ABCA13: variants seen among roughly 807,000 people sequenced by gnomAD.
ABCA13 encodes the protein ATP binding cassette subfamily A member 13, also known as ATP-binding cassette sub-family A member 13.
ABCA13 carries 476 observed loss-of-function variants against 478.7 expected under a neutral mutation model. The observed-to-expected ratio is 0.99, with a 90% CI of 0.92 to 1.07. ABCA13 has a LOEUF of 1.07. Among genes scored for constraint, ABCA13 ranks in the 50% least tolerant of loss-of-function variants. The probability of loss-of-function intolerance (pLI) is 0.00; values close to 1 mark genes in which losing one functional copy is unlikely to be tolerated. For synonymous variants in ABCA13, 2,252 were observed against 2,158.9 expected (o/e 1.04, Z -1.20); for missense variants, 6,060 against 5,910.6 (o/e 1.03, Z -0.83).
intron 58 of ABCA13, among the ~76,000 whole-genome samples, chr7:48,613,861 T>A (rs937794595): frequency 5.4e-5 from 8 of 148,052 alleles, no homozygotes; most frequent in Non-Finnish European, 1.2e-4. Flanking sequence ...TTTTCATTAT[T>A]ATAATAATAT....
At chr7:48,248,029 A>C (rs796091030) in intron 13 of ABCA13, among the ~76,000 whole-genome samples, 1 of 152,184 alleles carries the variant, frequency 6.6e-6, no homozygotes, top group Admixed American at 6.5e-5. Context: ...TATTGGATTA[A>C]GTTTTATTTT....
intron 15 of ABCA13, among the ~76,000 whole-genome samples, chr7:48,267,672 GTTAC>G (rs1390612777): frequency 2.0e-5 from 3 of 152,058 alleles, no homozygotes; most frequent in Non-Finnish European, 4.4e-5. Context: ...AAAAACCACA[GTTAC>G]TTTTGCATCA....
chr7:48,377,955 AC>A, intron 35 of ABCA13, among the ~76,000 whole-genome samples: 1 of 152,330 alleles, frequency 6.6e-6, no homozygotes, highest in Admixed American at 6.5e-5. Context: ...GTGTCCCGGG[AC>A]CCAGAATGAT....
At chr7:48,521,019 G>A (rs767858672) in intron 53 of ABCA13, among the ~76,000 whole-genome samples, 5 of 151,760 alleles carry the variant, frequency 3.3e-5, no homozygotes, top group African/African-American at 9.7e-5. Context: ...GTAGCATGGG[G>A]CATGTGTAGA....
At chr7:48,584,957 T>C (rs992092889) in intron 56 of ABCA13, among the ~76,000 whole-genome samples, 1 of 152,180 alleles carries the variant, frequency 6.6e-6, no homozygotes, top group Non-Finnish European at 1.5e-5. Flanking sequence ...TTCTTCTCTT[T>C]TATGGGGACA....
chr7:48,576,465 T>C (rs1418825383), intron 55 of ABCA13, among the ~76,000 whole-genome samples: 1 of 152,108 alleles, frequency 6.6e-6, no homozygotes, highest in Admixed American at 6.5e-5. Flanking sequence ...GTTAATTATA[T>C]AGAAGTATGC....
intron 26 of ABCA13, among the ~76,000 whole-genome samples, chr7:48,316,263 A>G (rs1234565074): frequency 6.6e-6 from 1 of 152,224 alleles, no homozygotes; most frequent in Non-Finnish European, 1.5e-5. Flanking sequence ...ATGGTTCTGC[A>G]CGGGCTCATT....
intron 55 of ABCA13, among the ~76,000 whole-genome samples, chr7:48,538,356 C>T (rs2131108627): frequency 6.6e-6 from 1 of 152,278 alleles, no homozygotes; most frequent in Admixed American, 6.5e-5. Context: ...CCACCTCGAC[C>T]TCCCAAAGAG....
At chr7:48,347,182 T>C (rs1808252041) in intron 29 of ABCA13, among the ~76,000 whole-genome samples, 1 of 152,152 alleles carries the variant, frequency 6.6e-6, no homozygotes, top group Admixed American at 6.5e-5. Flanking sequence ...CCAGGGCCCA[T>C]GGAAAATCAT....
At position 48,239,182 on chromosome 7, in the gene ABCA13, A is replaced by G. The variant is rs1790423603; in HGVS notation, c.898-59A>G. 43 of 1,565,174 alleles carry G rather than the reference A, an allele frequency of 2.7e-5. No individual in the cohort carries two copies. In the South Asian group the frequency reaches 4.4e-4, roughly 16 times the overall value. Reference sequence around the variant, plus strand: ...GGCAAGATCGTGGTGTTATTTTTAGAAGAGGAAGGTTCTAGGAAAGGAGCT... The same window carrying G: ...GGCAAGATCGTGGTGTTATTTTTAGGAGAGGAAGGTTCTAGGAAAGGAGCT... On this transcript the variant is annotated intron_variant, in intron 8 of 61. Transcript: ENST00000435803.
At chr7:48,410,980 T>TTTCTTTCC (rs1491123357) in intron 40 of ABCA13, among the ~76,000 whole-genome samples, 5 of 33,902 alleles carry the variant, frequency 1.5e-4, no homozygotes. Flanking sequence ...TTCTTTTCTC[T>TTTCTTTCC]TTCTTTCTTT....
chr7:48,297,949 T>TA (rs1799628938), intron 22 of ABCA13, among the ~76,000 whole-genome samples: 1 of 151,020 alleles, frequency 6.6e-6, no homozygotes, highest in Non-Finnish European at 1.5e-5. Flanking sequence ...TATTTTTTTT[T>TA]TTTTTTTTGT....
In ABCA13 at chr7:48,219,446, G is replaced by A; in HGVS notation, c.380G>A (p.Gly127Glu). The A allele has an allele frequency of 1.9e-6, 3 of 1,613,330 alleles. No individual in the cohort carries two copies. Among genetic ancestry groups the A allele is most frequent in the Non-Finnish European group, 2.5e-6 (3 of 1,179,672 alleles). ...CAAGACCTGGCAGAGGAAATTCATG[G>A]AATGATGGACAAGGCAAAAAACTTA... ...EIQDLAEEIH[G>E]MMDKAKNLKR... Residue 127 changes from glycine to glutamate, a missense_variant, in exon 4 of 62, where the codon GGA (glycine) becomes GAA (glutamate). This residue lies in a region of ABCA13 where 4,423 missense variants were observed against 4,309.1 expected (regional missense o/e 1.03). Transcript: ENST00000435803.
intron 2 of ABCA13, among the ~76,000 whole-genome samples, chr7:48,193,802 TG>T (rs1436355451): frequency 2.7e-5 from 1 of 36,978 alleles, no homozygotes; most frequent in African/African-American, 9.1e-5. Context: ...ATAATGGAGA[TG>T]ATGATTGGGA....
chr7:48,344,788 C>T (rs2128966253), intron 29 of ABCA13, among the ~76,000 whole-genome samples: 1 of 152,300 alleles, frequency 6.6e-6, no homozygotes, highest in East Asian at 1.9e-4. Context: ...GTGCCCTCAT[C>T]ATTTAGGTTG....
In ABCA13 at chr7:48,392,129, C is replaced by T. The variant is rs1448884499; in HGVS notation, c.11863C>T (p.Gln3955Ter). The change falls in exon 38 of 62, where the codon CAA becomes TAA. Residue 3955 changes from glutamine (Q) to a stop codon, truncating the protein, a stop_gained. Coordinates refer to ENST00000435803, the MANE Select transcript of ABCA13 (RefSeq NM_152701.5). LOFTEE classifies it high-confidence loss of function. ...GTGGACCAAGAAGGAGCTGCATCAG[C>T]AAGTCAATCAGTTAGTAAACAGTTG... Reference protein sequence around the residue: ...PQWTKKELHQQVNQTLQDVDL... With the variant: ...PQWTKKELHQ 3 of 1,613,594 alleles carry T rather than the reference C, an allele frequency of 1.9e-6. No individual in the cohort carries two copies. The highest frequency in any genetic ancestry group is 1.3e-5 in the African/African-American group (1 of 74,928).
intron 40 of ABCA13, among the ~76,000 whole-genome samples, chr7:48,411,678 T>G (rs1287104467): frequency 6.6e-6 from 1 of 152,112 alleles, no homozygotes; most frequent in Admixed American, 6.5e-5. Flanking sequence ...AAGAGAGTAG[T>G]GAGGGTATAG....
At position 48,433,448 on chromosome 7, in the gene ABCA13, ATAAT is replaced by A. The variant is rs1468136817; in HGVS notation, c.12565+5578_12565+5581del. ...ATGTGTTTTTATATATGATAAATATATAATATAAGTACATATATTTATATACATA... is the reference window on the plus strand; with the variant it reads ...ATGTGTTTTTATATATGATAAATATAATAAGTACATATATTTATATACATA... On this transcript the variant is annotated intron_variant, in intron 42 of 61. Transcript: ENST00000435803. Among the ~76,000 whole-genome samples the A allele has an allele frequency of 4.0e-5, 6 of 148,378 alleles. 1 individual carries two copies. The highest frequency in any genetic ancestry group is 6.7e-5 in the Admixed American group (1 of 14,852).
chr7:48,469,816 A>T (rs1397329271), intron 44 of ABCA13, among the ~76,000 whole-genome samples: 1 of 151,928 alleles, frequency 6.6e-6, no homozygotes, highest in Admixed American at 6.6e-5. Context: ...GCTACTCGGG[A>T]GGCTGAGGCA....
Sources: gnomAD v4.1 joint callset for allele counts (sites outside exome capture counted in the v4.1 genomes callset) on GRCh38, gnomAD v4.1.1 for gene constraint, gnomAD v4.1.1 regional missense constraint, MANE v1.5 for transcripts, NCBI Gene and HGNC (gene_info 2026-07-23, HGNC 2026-07-21) for gene names.